The following DOCK2 variants were observed in gnomAD, a reference collection of about 807,000 sequenced individuals.
DOCK2 encodes the protein dedicator of cytokinesis 2.
DOCK2 carries 87 observed loss-of-function variants against 248.9 expected under a neutral mutation model. The observed-to-expected ratio is 0.35, with a 90% CI of 0.29 to 0.42. The LOEUF is 0.42. Among genes scored for constraint, DOCK2 ranks in the 10% least tolerant of loss-of-function variants. The pLI is 1.00. For missense variants in DOCK2, 1,747 were observed against 2,300.2 expected (o/e 0.76, Z 4.92); for synonymous variants, 805 against 821.6 (o/e 0.98, Z 0.35).
chr5:169,810,179 C>T lies in DOCK2; in HGVS notation c.2703+6973C>T, dbSNP rs140156189. ...CCTGATTTCTCCCTGGGGTCTTGTG[C>T]GCTGAGTGCTAGCAGGGTATTCTTC... is the stretch of plus-strand genomic sequence containing the variant. On this transcript the variant is annotated intron_variant, in intron 26 of 51. Transcript: ENST00000520908. 5.2e-3 allele frequency among the ~76,000 whole-genome samples: 790 copies of T among 152,236 alleles called. 8 individuals carry two copies. In the South Asian group the frequency reaches 0.052, roughly 10 times the overall value.
chr5:169,717,289 C>A, intron 20 of DOCK2, 95 bp from the exon 21 acceptor site: 2 of 1,008,940 alleles, frequency 2.0e-6, no homozygotes, highest in Non-Finnish European at 3.1e-6. Context: ...AATTCCTGGG[C>A]AAAGGATTTT....
chr5:169,725,537 T>A lies in DOCK2; in HGVS notation c.2267+6746T>A, dbSNP rs1485178969. 3.3e-5 allele frequency among the ~76,000 whole-genome samples: 5 copies of A among 152,180 alleles called. No homozygotes were observed. In the East Asian group the frequency reaches 7.7e-4, roughly 23 times the overall value. ...TTTTTTAAAATTATATCTTAAGTTC[T>A]AGGGTACATGTGCACAAAGTGCACA... On this transcript the variant is annotated intron_variant, in intron 22 of 51. Transcript: ENST00000520908.
chr5:169,827,982 G>C (rs1768978733), intron 26 of DOCK2, among the ~76,000 whole-genome samples: 1 of 152,154 alleles, frequency 6.6e-6, no homozygotes, highest in Non-Finnish European at 1.5e-5. Flanking sequence ...AAGATGAGGA[G>C]AAATGCCCTT....
chr5:169,903,232 G>A (rs166355), intron 27 of DOCK2, among the ~76,000 whole-genome samples: 79,398 of 149,368 alleles, frequency 0.53, 21,227 homozygotes, highest in Admixed American at 0.6. Context: ...AGCTATGATC[G>A]CACCTATTAA....
intron 26 of DOCK2, among the ~76,000 whole-genome samples, chr5:169,804,253 A>G (rs1474742327): frequency 6.6e-6 from 1 of 152,172 alleles, no homozygotes; most frequent in Non-Finnish European, 1.5e-5. Flanking sequence ...TTCTACACTT[A>G]CCATCCCAAT....
intron 36 of DOCK2, chr5:170,040,514 C>T (rs13356761): frequency 6.3e-6 from 1 of 157,804 alleles, no homozygotes; most frequent in Non-Finnish European, 1.4e-5. Context: ...CACTTACTTA[C>T]ACCCAGAGAA....
At chr5:169,710,482 A>G (rs1761514597) in intron 15 of DOCK2, among the ~76,000 whole-genome samples, 1 of 152,242 alleles carries the variant, frequency 6.6e-6, no homozygotes, top group Non-Finnish European at 1.5e-5. Context: ...ATTCCTTGAC[A>G]GAAGTGACAT....
At chr5:169,992,899 AG>A (rs1348110437) in intron 29 of DOCK2, among the ~76,000 whole-genome samples, 1 of 152,194 alleles carries the variant, frequency 6.6e-6, no homozygotes, top group Middle Eastern at 3.2e-3. Flanking sequence ...AGAGAAAGGG[AG>A]GAACTTTGAT....
intron 22 of DOCK2, among the ~76,000 whole-genome samples, chr5:169,740,492 G>T (rs1339827406): frequency 1.3e-5 from 2 of 152,136 alleles, no homozygotes; most frequent in Non-Finnish European, 2.9e-5. Flanking sequence ...TTTGCTATTT[G>T]CCCTAAGGAG....
chr5:169,644,958 T>G (rs971828758), intron 1 of DOCK2, among the ~76,000 whole-genome samples: 4 of 152,214 alleles, frequency 2.6e-5, no homozygotes, highest in Non-Finnish European at 5.9e-5. Context: ...TCCCTGTCCC[T>G]GCAAAGGACA....
chr5:170,032,996 T>G (rs1756194400), intron 34 of DOCK2, among the ~76,000 whole-genome samples: 1 of 152,164 alleles, frequency 6.6e-6, no homozygotes, highest in Admixed American at 6.5e-5. Flanking sequence ...TAACAATGAT[T>G]GGCTTGATTC....
At chr5:169,905,166 A>G (rs1581393397) in intron 27 of DOCK2, among the ~76,000 whole-genome samples, 1 of 152,270 alleles carries the variant, frequency 6.6e-6, no homozygotes, top group Admixed American at 6.5e-5. Flanking sequence ...CTTCAGGGTG[A>G]CACAAGTGGG....
Position 169,754,920 on chromosome 5 carries a change from A to ATTATTTATTTATTTATTTATTTAT in DOCK2, c.2377-4774_2377-4751dup, listed in dbSNP as rs144364050. ...TTTCCAATAATGGTTCCTATTTTTT[A>ATTATTTATTTATTTATTTATTTAT]TTATTTATTTATTTATTTATTTATT... On this transcript the variant is annotated intron_variant, in intron 23 of 51. Transcript: ENST00000520908. Among the ~76,000 whole-genome samples, 650 of 141,334 alleles carry ATTATTTATTTATTTATTTATTTAT rather than the reference A, an allele frequency of 4.6e-3. 9 individuals are homozygous for ATTATTTATTTATTTATTTATTTAT. Among genetic ancestry groups the ATTATTTATTTATTTATTTATTTAT allele is most frequent in the South Asian group, 0.011 (46 of 4,370 alleles). 92.7% of individuals were successfully genotyped at this position (141,334 alleles called of 152,430 possible). A position where few individuals can be genotyped will look rare whatever the true frequency, so the allele number is the denominator to read the frequency against.
In DOCK2 at chr5:169,637,357, C is replaced by A. The variant is rs1382058294; in HGVS notation, c.31C>A (p.Arg11=). The A allele has an allele frequency of 2.1e-6, 3 of 1,429,788 alleles. No individual in the cohort carries two copies. The highest frequency in any genetic ancestry group is 2.7e-6 in the Non-Finnish European group (3 of 1,092,686). The allele number at this position is 1,429,788 out of a possible 1,614,324, so 88.6% of individuals were successfully genotyped here. A position where few individuals can be genotyped will look rare whatever the true frequency, so the allele number is the denominator to read the frequency against. ...CCCCTGGCGCAAAGCTGACAAGGAG[C>A]GGCACGGCGTGGGTAGGTGCGGGCC... MAPWRKADKE[R]HGVAIYNFQG... Residue 11 remains arginine (R), a synonymous_variant, in exon 1 of 52, where the codon CGG becomes AGG. Coordinates refer to ENST00000520908, the MANE Select transcript of DOCK2 (RefSeq NM_004946.3).
chr5:169,852,776 T>C (rs261079), intron 27 of DOCK2, among the ~76,000 whole-genome samples: 47,927 of 152,160 alleles, frequency 0.31, 9,826 homozygotes, highest in African/African-American at 0.59. Context: ...TGCCTTTCAA[T>C]CTTTCCTGCA....
At chr5:169,648,829 C>T (rs1757630930) in intron 1 of DOCK2, among the ~76,000 whole-genome samples, 1 of 152,206 alleles carries the variant, frequency 6.6e-6, no homozygotes, top group Non-Finnish European at 1.5e-5. Context: ...TGTTCTTCTG[C>T]TCTCTGCTCT....
chr5:169,849,260 A>G (rs951991781), intron 27 of DOCK2, among the ~76,000 whole-genome samples: 4 of 152,238 alleles, frequency 2.6e-5, no homozygotes, highest in African/African-American at 9.6e-5. Context: ...CTTCACCTGC[A>G]TCAGGTGCTC....
chr5:169,856,679 C>T (rs189168677), intron 27 of DOCK2, among the ~76,000 whole-genome samples: 3 of 152,296 alleles, frequency 2.0e-5, no homozygotes, highest in Admixed American at 6.5e-5. Context: ...ATCACCCATC[C>T]GTGATTTCTG....
At chr5:169,927,832 G>A (rs1775546923) in intron 27 of DOCK2, among the ~76,000 whole-genome samples, 1 of 152,150 alleles carries the variant, frequency 6.6e-6, no homozygotes. Context: ...TAGCCAGGAT[G>A]GTCTCAATCT....
Sources: allele counts gnomAD v4.1 joint callset (sites outside exome capture counted in the v4.1 genomes callset), GRCh38; gene constraint gnomAD v4.1.1; transcripts MANE v1.5; gene names NCBI Gene and HGNC (gene_info 2026-07-23, HGNC 2026-07-21).